The following SPTBN4 variants were observed in gnomAD, a reference collection of about 807,000 sequenced individuals.
SPTBN4 encodes the protein spectrin beta, non-erythrocytic 4, also known as spectrin beta chain, non-erythrocytic 4.
SPTBN4 carries 96 observed loss-of-function variants against 277.8 expected under a neutral mutation model. The ratio of observed to expected loss-of-function variants is 0.35; its 90% CI spans 0.29 to 0.41. SPTBN4 has a LOEUF of 0.41. SPTBN4 is among the 10% of genes least tolerant of loss of function. SPTBN4 has a pLI of 1.00. For synonymous variants in SPTBN4, 1,481 were observed against 1,580.3 expected (o/e 0.94, Z 1.49); for missense variants, 3,006 against 3,595.7 (o/e 0.84, Z 4.19).
chr19:40,526,868 C>T (rs1290688862), intron 17 of SPTBN4, among the ~76,000 whole-genome samples: 14 of 152,320 alleles, frequency 9.2e-5, no homozygotes, highest in East Asian at 5.8e-4. Flanking sequence ...GGATTACAGG[C>T]GTGAGCCATC....
chr19:40,518,582 AC>A (rs1334062299), intron 15 of SPTBN4, among the ~76,000 whole-genome samples: 1 of 151,558 alleles, frequency 6.6e-6, no homozygotes, highest in African/African-American at 2.4e-5. Context: ...ATAGGTGTGC[AC>A]CCCCACGCCC....
intron 22 of SPTBN4, among the ~76,000 whole-genome samples, 167 bp from the exon 23 acceptor site, chr19:40,553,980 G>A (rs1026303670): frequency 6.6e-6 from 1 of 152,236 alleles, no homozygotes; most frequent in African/African-American, 2.4e-5. Context: ...GTTATGATGA[G>A]TGAGGGAGTA....
rs771137688 is a variant in SPTBN4, at chr19:40,502,824, G to T, written c.1253G>T (p.Arg418Leu). 1 of 1,613,924 alleles carries T rather than the reference G, an allele frequency of 6.2e-7. No individual in the cohort carries two copies. Among genetic ancestry groups the T allele is most frequent in the African/African-American group, 1.3e-5 (1 of 75,038 alleles). The change falls in exon 11 of 36, where the codon CGG becomes CTG. Residue 418 changes from arginine to leucine, a missense_variant. Physicochemically the swap from Arg to Leu is moderately radical, Grantham distance 102. Transcript: ENST00000598249. This position sits in a 1 kb window ranked among gnomAD's most constrained non-coding sequence, Gnocchi z 4.9. ...GAGCATGAGCGGGAGGCTGCCCTAC[G>T]GGCTGAGCTGATTCGGCAGGAGAAG... ...KAEHEREAAL[R>L]AELIRQEKLE...
At chr19:40,572,614 C>T in intron 35 of SPTBN4, 1 of 568,118 alleles carries the variant, frequency 1.8e-6, no homozygotes, top group South Asian at 2.2e-5. Flanking sequence ...AGTCCAACAT[C>T]TTTGCCGTGG....
intron 20 of SPTBN4, among the ~76,000 whole-genome samples, chr19:40,544,360 T>A (rs915929302): frequency 2.0e-5 from 3 of 150,900 alleles, no homozygotes; most frequent in Non-Finnish European, 4.4e-5. Context: ...GCCAGCATGG[T>A]GTCTATCTCT....
chr19:40,532,098 T>A (rs2080681873), intron 18 of SPTBN4, among the ~76,000 whole-genome samples: 1 of 151,074 alleles, frequency 6.6e-6, no homozygotes, highest in Non-Finnish European at 1.5e-5. Flanking sequence ...GGGGTTTATC[T>A]GGCCATACTG....
chr19:40,489,524 T>C (rs1289894215), intron 3 of SPTBN4, among the ~76,000 whole-genome samples: 2 of 152,102 alleles, frequency 1.3e-5, no homozygotes, highest in Non-Finnish European at 2.9e-5. Context: ...GTACCTAGGA[T>C]TGCGGGAGCG....
intron 18 of SPTBN4, among the ~76,000 whole-genome samples, chr19:40,531,497 T>TTTG (rs2080673649): frequency 1.3e-5 from 1 of 74,158 alleles, no homozygotes; most frequent in East Asian, 2.4e-4. Context: ...TTTTTTTTTT[T>TTTG]TTGCAGGAGG....
At chr19:40,472,827 G>A (rs1568751935) in intron 2 of SPTBN4, 37 bp downstream of exon 2, 1 of 1,479,342 alleles carries the variant, frequency 6.8e-7, no homozygotes, top group African/African-American at 1.4e-5. Context: ...TGAGGAGGAG[G>A]GGGAAGGGGG....
At chr19:40,500,407 T>C (rs2080251176) in intron 7 of SPTBN4, among the ~76,000 whole-genome samples, 2 of 152,228 alleles carry the variant, frequency 1.3e-5, no homozygotes, top group South Asian at 4.1e-4. Context: ...AAGTGCATGC[T>C]GCCTCCAAAG....
chr19:40,485,593 C>T (rs1045388308), intron 2 of SPTBN4, among the ~76,000 whole-genome samples: 2 of 152,026 alleles, frequency 1.3e-5, no homozygotes, highest in Non-Finnish European at 2.9e-5. Context: ...ATTGCTTGAG[C>T]ACAGAAGGTT....
In SPTBN4 at chr19:40,529,047, A is replaced by T. The variant is rs1429276047; in HGVS notation, c.3864A>T (p.Gln1288His). ...CTTATCTCCCCATCCCCAGGAACCA[A>T]GAAAACCAGTTACGGGCCCAGCAAT... ...EAVTRLLEKN[Q>H]ENQLRAQQWM... Residue 1288 changes from glutamine to histidine, a missense_variant, in exon 18 of 36, where the codon CAA (glutamine) becomes CAT (histidine). Physicochemically the swap from Gln to His is conservative, Grantham distance 24. This residue lies in a region of SPTBN4 where 1,759 missense variants were observed against 2,061.5 expected (regional missense o/e 0.85). Transcript: ENST00000598249. The T allele has an allele frequency of 6.2e-7, 1 of 1,613,864 alleles. No individual in the cohort carries two copies. The highest frequency in any genetic ancestry group is 1.3e-5 in the African/African-American group (1 of 74,922).
intron 30 of SPTBN4, 27 bp downstream of exon 30, chr19:40,566,386 AC>A (rs1197490260): frequency 6.8e-7 from 1 of 1,465,682 alleles, no homozygotes; most frequent in Non-Finnish European, 9.0e-7. Context: ...CTGCCCCATT[AC>A]CCCCACCCCC....
chr19:40,491,803 A>G (rs955086628), intron 4 of SPTBN4, among the ~76,000 whole-genome samples: 3 of 145,956 alleles, frequency 2.1e-5, no homozygotes, highest in African/African-American at 8.0e-5. Context: ...TGGGTGGATC[A>G]CCTGAGGTCA....
chr19:40,499,720 G>A (rs1251274846), intron 7 of SPTBN4, among the ~76,000 whole-genome samples: 2 of 152,040 alleles, frequency 1.3e-5, no homozygotes, highest in Non-Finnish European at 2.9e-5. Context: ...AAAGTGATGA[G>A]AATGACAGCT....
At chr19:40,472,941 C>A in intron 2 of SPTBN4, 151 bp downstream of exon 2, 1 of 776,084 alleles carries the variant, frequency 1.3e-6, no homozygotes, top group South Asian at 2.8e-5. Flanking sequence ...CCATAATGTA[C>A]CATATAATAA....
At chr19:40,494,064 T>A (rs1396082727) in intron 5 of SPTBN4, among the ~76,000 whole-genome samples, 1 of 152,014 alleles carries the variant, frequency 6.6e-6, no homozygotes, top group Non-Finnish European at 1.5e-5. Flanking sequence ...GAAGGTTCCC[T>A]TTGGCCCCCA....
intron 20 of SPTBN4, among the ~76,000 whole-genome samples, chr19:40,537,198 T>TG (rs1172792255): frequency 6.6e-6 from 1 of 152,006 alleles, no homozygotes; most frequent in African/African-American, 2.4e-5. Context: ...TTAGTAGAGA[T>TG]GGGGTTTCAG....
intron 15 of SPTBN4, among the ~76,000 whole-genome samples, chr19:40,516,509 G>A (rs1221810012): frequency 1.3e-5 from 2 of 152,056 alleles, no homozygotes; most frequent in Non-Finnish European, 2.9e-5. Context: ...GTCTCACTGT[G>A]TTGGCCATGC....
Sources: gnomAD v4.1 joint callset for allele counts (sites outside exome capture counted in the v4.1 genomes callset) on GRCh38, gnomAD v4.1.1 for gene constraint, gnomAD v4.1.1 regional missense constraint, Gnocchi (gnomAD v3.1) non-coding constraint, MANE v1.5 for transcripts, NCBI Gene and HGNC (gene_info 2026-07-23, HGNC 2026-07-21) for gene names.